C2CD5: variants seen among roughly 807,000 people sequenced by gnomAD.
C2CD5 encodes the protein C2 domain-containing protein 5.
Under a neutral mutation model 130.3 loss-of-function variants are expected in C2CD5, and 109 were observed. That is an observed-to-expected ratio of 0.84 (90% confidence interval 0.72 to 0.98). C2CD5 has a LOEUF of 0.98. Among genes scored for constraint, C2CD5 ranks in the 50% least tolerant of loss-of-function variants. The probability of loss-of-function intolerance (pLI) is 0.00; values close to 1 mark genes in which losing one functional copy is unlikely to be tolerated. For synonymous variants in C2CD5, 454 were observed against 429.2 expected, an observed-to-expected ratio of 1.06 and a Z score of -0.71; for missense variants, 996 against 1,261.8, an observed-to-expected ratio of 0.79 and a Z score of 3.19.
chr12:22,473,610 A>T (rs890937287), intron 16 of C2CD5, among the ~76,000 whole-genome samples: 1 of 152,152 alleles, frequency 6.6e-6, no homozygotes, highest in Admixed American at 6.6e-5. Flanking sequence ...CTACTTAGCC[A>T]GGATCCCAAG....
At chr12:22,532,448 T>G (rs1040949651) in intron 3 of C2CD5, among the ~76,000 whole-genome samples, 1 of 152,096 alleles carries the variant, frequency 6.6e-6, no homozygotes, top group East Asian at 1.9e-4. Flanking sequence ...GAATTCATGT[T>G]TGAAAAAAAA....
chr12:22,497,341 T>C (rs1473808898), intron 10 of C2CD5, among the ~76,000 whole-genome samples: 1 of 152,116 alleles, frequency 6.6e-6, no homozygotes, highest in Non-Finnish European at 1.5e-5. Context: ...AGGTGATGGA[T>C]ACTCCAAATA....
intron 10 of C2CD5, among the ~76,000 whole-genome samples, chr12:22,504,651 T>C (rs1009058103): frequency 3.3e-5 from 5 of 152,194 alleles, no homozygotes; most frequent in Admixed American, 6.5e-5. Context: ...TAATTAAATA[T>C]ACTCCTGAAA....
intron 8 of C2CD5, among the ~76,000 whole-genome samples, chr12:22,516,987 ATTATCT>A (rs1949789420): frequency 6.6e-6 from 1 of 151,888 alleles, no homozygotes; most frequent in Non-Finnish European, 1.5e-5. Flanking sequence ...GGTGTTTATA[ATTATCT>A]TTATATTTTA....
Position 22,524,643 on chromosome 12 carries a change from A to AT in C2CD5, c.446-17dup. 6.3e-7 allele frequency: 1 copy of AT among 1,595,354 alleles called. No homozygotes were observed. The highest frequency in any genetic ancestry group is 8.6e-7 in the Non-Finnish European group (1 of 1,168,454). Reference sequence around the variant, plus strand: ...ATAGACGTTGCTGTTAAAACAAATTATTATGCTTCTGTTTATCAAAAGGTA... The same window carrying AT: ...ATAGACGTTGCTGTTAAAACAAATTATTTATGCTTCTGTTTATCAAAAGGTA... On this transcript the variant is annotated splice_polypyrimidine_tract_variant and intron_variant, in intron 5 of 26. Coordinates refer to ENST00000446597, the MANE Select transcript of C2CD5 (RefSeq NM_001286176.2).
rs867012734 is a variant in C2CD5 at position 22,525,701 on chromosome 12, G to A, written c.354C>T (p.Ile118=). ...WFPIYDTIHG[I]RGEINVVVKV... ...TGACAACTACATTGATTTCCCCACG[G>A]ATACCTATAAATTTAAAAAGAAAAT... The change falls in exon 5 of 27, where the codon ATC becomes ATT. Residue 118 remains isoleucine, a synonymous_variant. Transcript: ENST00000446597. 6.8e-7 allele frequency: 1 copy of A among 1,466,222 alleles called. No homozygotes were observed. Among genetic ancestry groups the A allele is most frequent in the South Asian group, 1.1e-5 (1 of 87,394 alleles). The allele number at this position is 1,466,222 out of a possible 1,614,324, so 90.8% of individuals were successfully genotyped here.
Position 22,490,155 on chromosome 12 carries a change from C to T in C2CD5, c.1326G>A (p.Gln442=), listed in dbSNP as rs777287805. The T allele has an allele frequency of 6.2e-7, 1 of 1,613,728 alleles. No individual in the cohort carries two copies. Among genetic ancestry groups the T allele is most frequent in the South Asian group, 1.1e-5 (1 of 91,064 alleles). Residue 442 remains glutamine (Q), a synonymous_variant, in exon 12 of 27, where the codon CAG becomes CAA. Transcript: ENST00000446597. ...TAAVLNPRFL[Q]DGTVEGCLEQ... is the part of the protein sequence containing the mutation. Reference sequence around the variant, plus strand: ...CCAAACAGCCTTCCACGGTGCCATCCTGCAGAAATCTAGGATTCAGTACAG... The same window carrying T: ...CCAAACAGCCTTCCACGGTGCCATCTTGCAGAAATCTAGGATTCAGTACAG...
Position 22,472,072 on chromosome 12 carries a change from G to T in C2CD5, c.2170-7C>A. On this transcript the variant is annotated splice_region_variant and splice_polypyrimidine_tract_variant and intron_variant, in intron 18 of 26. Transcript: ENST00000446597. ...CTCTTACTGAAGTGAACATCTAAAT[G>T]TGGGGTGACATAACATGTCATTTTA... is the stretch of plus-strand genomic sequence containing the variant. 6.9e-7 allele frequency: 1 copy of T among 1,455,160 alleles called. No homozygotes were observed. 90.1% of individuals were successfully genotyped at this position (1,455,160 alleles called of 1,614,324 possible). A position where few individuals can be genotyped will look rare whatever the true frequency, so the allele number is the denominator to read the frequency against.
rs756242897 is a variant in C2CD5 at position 22,449,900 on chromosome 12, A to G, written c.3025-9T>C. 5 of 1,601,602 alleles carry G rather than the reference A, an allele frequency of 3.1e-6. No individual in the cohort carries two copies. The South Asian group carries it at 3.3e-5, about 11-fold the overall frequency. On this transcript the variant is annotated splice_polypyrimidine_tract_variant and intron_variant, in intron 26 of 26. Transcript: ENST00000446597. ...TTTATAAGACACTGTGCCTATAAGAACAACAAACAGGACAGGTTCAGTTAT... is the reference window on the plus strand; with the variant it reads ...TTTATAAGACACTGTGCCTATAAGAGCAACAAACAGGACAGGTTCAGTTAT...
intron 3 of C2CD5, chr12:22,534,780 T>C (rs1307836822): frequency 6.5e-6 from 1 of 153,400 alleles, no homozygotes; most frequent in African/African-American, 2.4e-5. Context: ...GAGGAGGGAA[T>C]GGGAAGTTAT....
intron 18 of C2CD5, 71 bp from the exon 19 acceptor site, chr12:22,472,136 C>A: frequency 2.0e-6 from 2 of 985,732 alleles, no homozygotes; most frequent in South Asian, 1.4e-5. Context: ...GATAAATTGC[C>A]AAATAATGAA....
At chr12:22,500,645 C>T (rs1268418561) in intron 10 of C2CD5, among the ~76,000 whole-genome samples, 1 of 152,118 alleles carries the variant, frequency 6.6e-6, no homozygotes, top group Non-Finnish European at 1.5e-5. Context: ...TCTTTCCACC[C>T]TAGACCTAGC....
intron 14 of C2CD5, among the ~76,000 whole-genome samples, chr12:22,479,738 TATTTC>T (rs1944434690): frequency 6.6e-6 from 1 of 152,192 alleles, no homozygotes; most frequent in African/African-American, 2.4e-5. Context: ...AACAGTACTA[TATTTC>T]ATTAGTACTG....
chr12:22,506,636 T>G, intron 10 of C2CD5, 75 bp downstream of exon 10: 1 of 895,694 alleles, frequency 1.1e-6, no homozygotes, highest in Non-Finnish European at 1.8e-6. Context: ...GATTTGGCTT[T>G]AAAAAAATCA....
chr12:22,460,997 C>T (rs1031384856), intron 22 of C2CD5, among the ~76,000 whole-genome samples: 13 of 152,198 alleles, frequency 8.5e-5, no homozygotes, highest in African/African-American at 3.1e-4. Context: ...ACACTGTGGA[C>T]ATGCCCTGAC....
At position 22,484,692 on chromosome 12, in the gene C2CD5, C is replaced by A; in HGVS notation, c.1550+5G>T. On this transcript the variant is annotated splice_donor_5th_base_variant and intron_variant, in intron 13 of 26. Transcript: ENST00000446597. The stretch of plus-strand genomic sequence containing the variant: ...GGACACCGAGTGTTGTTTTCACAAA[C>A]ATACCTTGCTTGAATAAGACAACCT... 1 of 1,533,710 alleles carries A rather than the reference C, an allele frequency of 6.5e-7. No individual in the cohort carries two copies. The highest frequency in any genetic ancestry group is 8.8e-7 in the Non-Finnish European group (1 of 1,135,178).
intron 2 of C2CD5, among the ~76,000 whole-genome samples, chr12:22,543,263 G>T (rs556764276): frequency 1.3e-5 from 2 of 152,298 alleles, no homozygotes; most frequent in East Asian, 3.9e-4. Flanking sequence ...CAGACTCTGG[G>T]TTATTACCTT....
chr12:22,473,702 G>A (rs73261867), intron 16 of C2CD5, among the ~76,000 whole-genome samples: 3,085 of 152,066 alleles, frequency 0.02, 95 homozygotes, highest in African/African-American at 0.07. Context: ...CAGATTCCTG[G>A]GCTCCACCTT....
At chr12:22,526,506 C>T (rs1591991174) in intron 4 of C2CD5, among the ~76,000 whole-genome samples, 1 of 152,096 alleles carries the variant, frequency 6.6e-6, no homozygotes, top group Admixed American at 6.5e-5. Flanking sequence ...ATATTCTTAA[C>T]AATGCAAGAA....
Sources: gnomAD v4.1 joint callset for allele counts (sites outside exome capture counted in the v4.1 genomes callset) on GRCh38, gnomAD v4.1.1 for gene constraint, MANE v1.5 for transcripts, NCBI Gene and HGNC (gene_info 2026-07-23, HGNC 2026-07-21) for gene names.